The following EHMT1 variants were observed in gnomAD, a reference collection of about 807,000 sequenced individuals.
EHMT1 encodes histone-lysine N-methyltransferase EHMT1.
In EHMT1, 15 loss-of-function variants were observed where a neutral mutation model predicts 147.2. The ratio of observed to expected loss-of-function variants is 0.10; its 90% confidence interval spans 0.07 to 0.16. EHMT1 has a LOEUF of 0.16. EHMT1 is among the 10% of genes least tolerant of loss of function. The pLI is 1.00. For missense variants in EHMT1, 1,587 were observed against 1,772.4 expected (o/e 0.90, Z 1.88); for synonymous variants, 795 against 709.6 (o/e 1.12, Z -1.91).
chr9:137,821,318 C>CTTTTTTTT (rs778919891), intron 25 of EHMT1, among the ~76,000 whole-genome samples: 1 of 63,980 alleles, frequency 1.6e-5, no homozygotes, highest in African/African-American at 6.8e-5. Flanking sequence ...TGCGCCCGGC[C>CTTTTTTTT]TTTTTTTTTT....
chr9:137,814,674 C>G, intron 22 of EHMT1, 166 bp downstream of exon 22: 1 of 761,126 alleles, frequency 1.3e-6, no homozygotes, highest in Middle Eastern at 3.5e-4. Flanking sequence ...GGCACCAGCA[C>G]CCGAGTCAGG....
At chr9:137,727,271 C>T (rs1946718803) in intron 3 of EHMT1, among the ~76,000 whole-genome samples, 1 of 152,160 alleles carries the variant, frequency 6.6e-6, no homozygotes, top group Admixed American at 6.5e-5. Flanking sequence ...TGTGACACAC[C>T]ACACCTGGCC....
chr9:137,629,148 A>G (rs1028495872), intron 1 of EHMT1, among the ~76,000 whole-genome samples: 5 of 149,434 alleles, frequency 3.3e-5, no homozygotes, highest in Non-Finnish European at 5.9e-5. Flanking sequence ...GCTGGAGTGC[A>G]GTGGTGCAAT....
intron 16 of EHMT1, among the ~76,000 whole-genome samples, chr9:137,795,401 G>GCACGCACACACACACACACA (rs1554887413): frequency 7.7e-6 from 1 of 130,178 alleles, no homozygotes; most frequent in East Asian, 2.3e-4. Context: ...ATCGCAGGGT[G>GCACGCACACACACACACACA]CACACACACA....
intron 22 of EHMT1, chr9:137,815,704 C>A (rs1007897399): frequency 1.9e-6 from 1 of 530,304 alleles, no homozygotes; most frequent in Non-Finnish European, 3.4e-6. Context: ...AAGCTGGCCC[C>A]AGGCTGGGCC....
In EHMT1 at chr9:137,828,013, G is replaced by A. The variant is rs1436038675; in HGVS notation, c.3541-6336G>A. Among the ~76,000 whole-genome samples the A allele has an allele frequency of 6.6e-6, 1 of 152,204 alleles. No homozygotes were observed. Among genetic ancestry groups the A allele is most frequent in the East Asian group, 1.9e-4 (1 of 5,188 alleles). The stretch of plus-strand genomic sequence containing the variant: ...GTGCCCCTGTGTGAAGGGGCTCCTT[G>A]TGCCAGCCGACAGGGTGCGACGGGG... On this transcript the variant is annotated intron_variant, in intron 25 of 26. Coordinates refer to ENST00000460843, the MANE Select transcript of EHMT1 (RefSeq NM_024757.5). This position sits in a 1 kb window ranked among gnomAD's most constrained non-coding sequence, Gnocchi z 5.3.
intron 3 of EHMT1, among the ~76,000 whole-genome samples, chr9:137,718,754 CTTTTTCTT>C (rs927136469): frequency 2.1e-5 from 3 of 146,340 alleles, no homozygotes; most frequent in African/African-American, 8.0e-5. Context: ...TTTTCTTTTT[CTTTTTCTT>C]TTTTTTTTTT....
In EHMT1 at chr9:137,835,115, T is replaced by G. The variant is rs1288813983; in HGVS notation, c.*162T>G. The G allele has an allele frequency of 1.4e-5, 11 of 812,550 alleles. No homozygotes were observed. Among genetic ancestry groups the G allele is most frequent in the Non-Finnish European group, 1.9e-5 (11 of 583,550 alleles). 50.3% of individuals were successfully genotyped at this position (812,550 alleles called of 1,614,324 possible). On this transcript the variant is annotated 3_prime_UTR_variant, in exon 27 of 27. Transcript: ENST00000460843. ...TGAGGCTGCAGCCCCTGCGGGCGGGTGTGGATGCCTCCCAGCCACCTTCCC... is the reference window on the plus strand; with the variant it reads ...TGAGGCTGCAGCCCCTGCGGGCGGGGGTGGATGCCTCCCAGCCACCTTCCC...
chr9:137,807,509 ATTTATTTG>A (rs1399952337), intron 18 of EHMT1, among the ~76,000 whole-genome samples: 6 of 131,776 alleles, frequency 4.6e-5, no homozygotes, highest in African/African-American at 8.1e-5. Context: ...TTATTTATTT[ATTTATTTG>A]TTTATTTTAA....
rs1407627174 is a variant in EHMT1 at position 137,834,779 on chromosome 9, C to T, written c.3723C>T (p.Asp1241=). The change falls in exon 27 of 27, where the codon GAC becomes GAT. Residue 1241 remains aspartate, a synonymous_variant. Transcript: ENST00000460843. Reference sequence around the variant, plus strand: ...GGTTCTGTTCCCTCCCCAGGTTTGACTATGGAGAGCGCTTCTGGGACATCA... The same window carrying T: ...GGTTCTGTTCCCTCCCCAGGTTTGATTATGGAGAGCGCTTCTGGGACATCA... The part of the protein sequence containing the change: ...LIEAGEQLGF[D]YGERFWDIKG... The T allele has an allele frequency of 1.2e-5, 19 of 1,613,276 alleles. No individual in the cohort carries two copies. The highest frequency in any genetic ancestry group is 1.6e-5 in the Non-Finnish European group (19 of 1,179,764).
intron 10 of EHMT1, among the ~76,000 whole-genome samples, chr9:137,771,972 G>A (rs537932368): frequency 2.0e-4 from 31 of 152,140 alleles, no homozygotes; most frequent in Non-Finnish European, 3.5e-4. Context: ...GCTGAGGAAA[G>A]GCTAGCCCAG....
In EHMT1 at chr9:137,813,821, C is replaced by T. The variant is rs2137732808; in HGVS notation, c.3180+291C>T. 6.6e-6 allele frequency among the ~76,000 whole-genome samples: 1 copy of T among 152,286 alleles called. No homozygotes were observed. The highest frequency in any genetic ancestry group is 2.4e-5 in the African/African-American group (1 of 41,574). The stretch of plus-strand genomic sequence containing the variant: ...TTTTGTAACCTCACACTCAGGGGCC[C>T]CGGTGTGGCTTCGTGCTGGGGGCAC... On this transcript the variant is annotated intron_variant, in intron 21 of 26. Coordinates refer to ENST00000460843, the MANE Select transcript of EHMT1 (RefSeq NM_024757.5). This position sits in a 1 kb window ranked among gnomAD's most constrained non-coding sequence, Gnocchi z 4.9.
At chr9:137,661,093 T>G (rs1220626605) in intron 1 of EHMT1, among the ~76,000 whole-genome samples, 1 of 152,226 alleles carries the variant, frequency 6.6e-6, no homozygotes, top group African/African-American at 2.4e-5. Flanking sequence ...TGTCTATTTT[T>G]ATGACTTTTT....
At chr9:137,721,099 GTATCCC>G (rs1945917023) in intron 3 of EHMT1, among the ~76,000 whole-genome samples, 1 of 151,318 alleles carries the variant, frequency 6.6e-6, no homozygotes, top group South Asian at 2.1e-4. Context: ...TTCAGCGTGC[GTATCCC>G]TGTGACTGCT....
chr9:137,629,047 G>C (rs1843444262), intron 1 of EHMT1, among the ~76,000 whole-genome samples: 1 of 150,554 alleles, frequency 6.6e-6, no homozygotes, highest in Non-Finnish European at 1.5e-5. Flanking sequence ...TTGATTTTAA[G>C]TTGCTCACTC....
chr9:137,628,008 C>T (rs745689440), intron 1 of EHMT1, among the ~76,000 whole-genome samples: 2 of 152,194 alleles, frequency 1.3e-5, no homozygotes, highest in Non-Finnish European at 2.9e-5. Flanking sequence ...CCATGCCCGG[C>T]CATTTTTGGT....
intron 3 of EHMT1, among the ~76,000 whole-genome samples, chr9:137,717,460 A>G (rs1284182115): frequency 1.3e-5 from 2 of 151,966 alleles, no homozygotes; most frequent in Non-Finnish European, 2.9e-5. Flanking sequence ...AAATGCAAAA[A>G]TTAACTGGGC....
At chr9:137,762,254 C>T (rs1023424299) in intron 9 of EHMT1, among the ~76,000 whole-genome samples, 2 of 145,916 alleles carry the variant, frequency 1.4e-5, no homozygotes, top group African/African-American at 5.3e-5. Context: ...TAAAACCTTC[C>T]AAACTGATTT....
chr9:137,832,057 TCCA>T (rs1956229847), intron 25 of EHMT1, among the ~76,000 whole-genome samples: 1 of 150,650 alleles, frequency 6.6e-6, no homozygotes, highest in African/African-American at 2.4e-5. Context: ...CTGGGCTCCC[TCCA>T]CAGGCTCCGC....
Sources: allele counts gnomAD v4.1 joint callset (sites outside exome capture counted in the v4.1 genomes callset), GRCh38; gene constraint gnomAD v4.1.1; non-coding constraint Gnocchi (gnomAD v3.1); transcripts MANE v1.5; gene names NCBI Gene and HGNC (gene_info 2026-07-23, HGNC 2026-07-21).